IQGAP2: variants seen among roughly 807,000 people sequenced by gnomAD.
IQGAP2 encodes the protein IQ motif containing GTPase activating protein 2.
IQGAP2 carries 173 observed loss-of-function variants against 201.3 expected under a neutral mutation model. That is an observed-to-expected ratio of 0.86 (90% confidence interval 0.76 to 0.98). The LOEUF (loss-of-function observed/expected upper bound fraction) is 0.98, where lower values mean the gene tolerates loss of function less well. IQGAP2 is among the 50% of genes least tolerant of loss of function. The pLI, the probability that IQGAP2 is intolerant of heterozygous loss-of-function variation, is 0.00. For missense variants in IQGAP2, 1,687 were observed against 1,864.8 expected (o/e 0.90, Z 1.76); for synonymous variants, 675 against 673.9 (o/e 1.00, Z -0.03).
Position 76,403,536 on chromosome 5 carries a change from G to A in IQGAP2, c.-10G>A. ...GGCGCGCCCCGGGCGGGCCCCCGGA[G>A]ACGCGCAGGATGCCACACGAAGAGC... is the stretch of plus-strand genomic sequence containing the variant. On this transcript the variant is annotated 5_prime_UTR_variant, in exon 1 of 36. Coordinates refer to ENST00000274364, the MANE Select transcript of IQGAP2 (RefSeq NM_006633.5). This position sits in a 1 kb window ranked among gnomAD's most constrained non-coding sequence, Gnocchi z 4.8. The A allele has an allele frequency of 1.3e-6, 2 of 1,504,720 alleles. No individual in the cohort carries two copies. The highest frequency in any genetic ancestry group is 2.5e-5 in the South Asian group (2 of 79,682). 93.2% of individuals were successfully genotyped at this position (1,504,720 alleles called of 1,614,324 possible).
At chr5:76,607,266 T>C (rs988183389) in intron 12 of IQGAP2, 2 of 152,236 alleles carry the variant, frequency 1.3e-5, no homozygotes, top group Non-Finnish European at 2.9e-5. Context: ...GTTAATTAAT[T>C]GCATTTGCAA....
intron 1 of IQGAP2, among the ~76,000 whole-genome samples, chr5:76,449,802 C>G (rs912934917): frequency 2.0e-5 from 3 of 152,200 alleles, no homozygotes; most frequent in Admixed American, 6.5e-5. Flanking sequence ...CTCCTCTGGT[C>G]TGCAGCTGAC....
intron 2 of IQGAP2, among the ~76,000 whole-genome samples, chr5:76,553,746 G>T (rs938644361): frequency 5.3e-5 from 8 of 152,172 alleles, no homozygotes; most frequent in African/African-American, 1.7e-4. Flanking sequence ...CAACCCATAA[G>T]ATGCTCATAA....
At chr5:76,487,685 C>T (rs998106513) in intron 2 of IQGAP2, among the ~76,000 whole-genome samples, 4 of 151,908 alleles carry the variant, frequency 2.6e-5, no homozygotes, top group African/African-American at 4.8e-5. Context: ...TTTTATGCAG[C>T]GAGGTTAGAG....
At chr5:76,539,155 C>T (rs563044651) in intron 2 of IQGAP2, among the ~76,000 whole-genome samples, 1 of 152,352 alleles carries the variant, frequency 6.6e-6, no homozygotes, top group East Asian at 1.9e-4. Context: ...AGCCCAAGGG[C>T]TCCTGCCCCT....
intron 2 of IQGAP2, among the ~76,000 whole-genome samples, chr5:76,487,929 G>T (rs1756267916): frequency 6.6e-6 from 1 of 152,242 alleles, no homozygotes; most frequent in Admixed American, 6.5e-5. Flanking sequence ...CTGGGGACAA[G>T]GAATAAGCTT....
Position 76,702,604 on chromosome 5 carries a change from A to G in IQGAP2, c.4614+14A>G. On this transcript the variant is annotated intron_variant, in intron 35 of 35. Transcript: ENST00000274364. ...CTCAATATTCAGGTAAGCTGCTGGAATTTCTGCACATTGATGATAAATTTT... is the reference window on the plus strand; with the variant it reads ...CTCAATATTCAGGTAAGCTGCTGGAGTTTCTGCACATTGATGATAAATTTT... 1 of 1,151,772 alleles carries G rather than the reference A, an allele frequency of 8.7e-7. No homozygotes were observed. The highest frequency in any genetic ancestry group is 1.3e-6 in the Non-Finnish European group (1 of 758,530). The allele number at this position is 1,151,772 out of a possible 1,614,324, so 71.3% of individuals were successfully genotyped here.
intron 13 of IQGAP2, chr5:76,615,575 C>G (rs1748872709): frequency 6.6e-6 from 1 of 152,182 alleles, no homozygotes; most frequent in African/African-American, 2.4e-5. Context: ...TCTCAGGAAT[C>G]TTTTATGCTT....
chr5:76,450,792 C>A (rs1211740571), intron 1 of IQGAP2, among the ~76,000 whole-genome samples: 1 of 152,312 alleles, frequency 6.6e-6, no homozygotes, highest in South Asian at 2.1e-4. Flanking sequence ...CTAATGAGAA[C>A]TAGCCTAGGT....
chr5:76,622,692 C>T (rs1335030196), intron 13 of IQGAP2, among the ~76,000 whole-genome samples: 1 of 152,136 alleles, frequency 6.6e-6, no homozygotes, highest in Non-Finnish European at 1.5e-5. Context: ...CAAAAAAGGT[C>T]ATTCATTTCG....
At chr5:76,416,477 G>A (rs1346102916) in intron 1 of IQGAP2, among the ~76,000 whole-genome samples, 7 of 152,128 alleles carry the variant, frequency 4.6e-5, no homozygotes, top group Admixed American at 6.5e-5. Flanking sequence ...TAGCATCTGA[G>A]GACTTAGACT....
intron 1 of IQGAP2, among the ~76,000 whole-genome samples, chr5:76,457,153 A>AT (rs1326575141): frequency 1.3e-5 from 2 of 151,906 alleles, no homozygotes; most frequent in South Asian, 2.1e-4. Flanking sequence ...CACTCAGCCA[A>AT]TTTTTTGTAT....
chr5:76,672,187 A>G (rs1195526982), intron 24 of IQGAP2, among the ~76,000 whole-genome samples: 1 of 152,198 alleles, frequency 6.6e-6, no homozygotes, highest in Non-Finnish European at 1.5e-5. Flanking sequence ...GTGATCCCCA[A>G]TGCCACAACT....
chr5:76,655,730 A>T (rs1752859488), intron 20 of IQGAP2, among the ~76,000 whole-genome samples: 1 of 152,156 alleles, frequency 6.6e-6, no homozygotes, highest in Non-Finnish European at 1.5e-5. Flanking sequence ...TACAGATTAA[A>T]TTTTTTAATA....
chr5:76,572,711 T>C (rs928820800), intron 4 of IQGAP2, among the ~76,000 whole-genome samples: 2 of 152,026 alleles, frequency 1.3e-5, no homozygotes, highest in Non-Finnish European at 2.9e-5. Flanking sequence ...GTGCTGGGAT[T>C]ACAGGCATGA....
chr5:76,614,356 C>A (rs1013008612), intron 13 of IQGAP2, among the ~76,000 whole-genome samples: 1 of 152,074 alleles, frequency 6.6e-6, no homozygotes, highest in Non-Finnish European at 1.5e-5. Context: ...CTAGTTCAGG[C>A]GTTAAACCAC....
intron 2 of IQGAP2, among the ~76,000 whole-genome samples, chr5:76,519,047 C>A (rs768991729): frequency 6.6e-6 from 1 of 152,140 alleles, no homozygotes; most frequent in Non-Finnish European, 1.5e-5. Context: ...TGTTTCAAAT[C>A]TTTTTCCATC....
At chr5:76,674,750 G>A (rs114082665) in intron 27 of IQGAP2, 41 bp downstream of exon 27, 2 of 1,402,710 alleles carry the variant, frequency 1.4e-6, no homozygotes, top group Admixed American at 1.7e-5. Flanking sequence ...TGCAAGAATG[G>A]TAGGCAAGAA....
chr5:76,416,590 C>T (rs1023854827), intron 1 of IQGAP2, among the ~76,000 whole-genome samples: 2 of 149,978 alleles, frequency 1.3e-5, no homozygotes, highest in African/African-American at 5.0e-5. Flanking sequence ...TGCAGTGGCG[C>T]GATCTTGGCT....
Sources: allele counts gnomAD v4.1 joint callset (sites outside exome capture counted in the v4.1 genomes callset), GRCh38; gene constraint gnomAD v4.1.1; non-coding constraint Gnocchi (gnomAD v3.1); transcripts MANE v1.5; gene names NCBI Gene and HGNC (gene_info 2026-07-23, HGNC 2026-07-21).